The following ALK variants were observed in gnomAD, a reference collection of about 807,000 sequenced individuals.
ALK encodes the protein ALK receptor tyrosine kinase.
ALK carries 74 observed loss-of-function variants against 163.1 expected under a neutral mutation model. The ratio of observed to expected loss-of-function variants is 0.45; its 90% CI spans 0.38 to 0.55. The LOEUF is 0.55. Among genes scored for constraint, ALK ranks in the 20% least tolerant of loss-of-function variants. The pLI is 0.00. For missense variants in ALK, 2,063 were observed against 2,105.3 expected (o/e 0.98, Z 0.39); for synonymous variants, 960 against 843.2 (o/e 1.14, Z -2.40).
chr2:29,324,828 G>T (rs1667201893), intron 6 of ALK, among the ~76,000 whole-genome samples: 1 of 152,196 alleles, frequency 6.6e-6, no homozygotes, highest in Non-Finnish European at 1.5e-5. Flanking sequence ...TTGGAGAGGG[G>T]ACCGAGAGTA....
chr2:29,529,796 C>T (rs1395850173), intron 4 of ALK, among the ~76,000 whole-genome samples: 5 of 152,202 alleles, frequency 3.3e-5, no homozygotes, highest in East Asian at 1.9e-4. Context: ...CTAAACTCTG[C>T]CCCAGACAAA....
At chr2:29,447,464 A>G (rs1017670618) in intron 4 of ALK, among the ~76,000 whole-genome samples, 2 of 145,142 alleles carry the variant, frequency 1.4e-5, no homozygotes, top group African/African-American at 2.8e-5. Context: ...TTTAGGAGGG[A>G]AAAAAAAAAT....
At chr2:29,346,587 C>T (rs572311507) in intron 5 of ALK, among the ~76,000 whole-genome samples, 5 of 152,364 alleles carry the variant, frequency 3.3e-5, no homozygotes, top group Non-Finnish European at 5.9e-5. Context: ...ATTGCTACTT[C>T]GTTTCACAGT....
intron 3 of ALK, among the ~76,000 whole-genome samples, chr2:29,562,637 A>G (rs1486627810): frequency 1.3e-5 from 2 of 152,124 alleles, no homozygotes; most frequent in African/African-American, 4.8e-5. Flanking sequence ...AGAAGGGGGA[A>G]AAAAAATCTG....
intron 13 of ALK, among the ~76,000 whole-genome samples, chr2:29,237,514 G>A (rs112486962): frequency 3.9e-5 from 6 of 152,238 alleles, no homozygotes; most frequent in Non-Finnish European, 7.4e-5. Flanking sequence ...GGCCTTTGCT[G>A]GGGTCACTGT....
chr2:29,757,764 A>G (rs1049944063), intron 1 of ALK, among the ~76,000 whole-genome samples: 1 of 152,156 alleles, frequency 6.6e-6, no homozygotes, highest in Non-Finnish European at 1.5e-5. Flanking sequence ...AATATGGCAC[A>G]TGCAGCCTCT....
intron 5 of ALK, among the ~76,000 whole-genome samples, chr2:29,343,041 C>G (rs1041260682): frequency 6.6e-6 from 1 of 150,954 alleles, no homozygotes; most frequent in African/African-American, 2.4e-5. Context: ...TGCCACCATG[C>G]CCAGCTAATT....
intron 3 of ALK, among the ~76,000 whole-genome samples, chr2:29,604,863 C>G (rs1573493161): frequency 6.6e-6 from 1 of 152,298 alleles, no homozygotes; most frequent in South Asian, 2.1e-4. Context: ...CAAACCAGAG[C>G]TATACAAAGG....
chr2:29,765,553 C>A (rs1024944093), intron 1 of ALK, among the ~76,000 whole-genome samples: 1 of 152,112 alleles, frequency 6.6e-6, no homozygotes, highest in Non-Finnish European at 1.5e-5. Context: ...CTCAAGTGAT[C>A]CTTTGGTCTC....
At chr2:29,320,715 A>T in intron 7 of ALK, 36 bp downstream of exon 7, 1 of 1,612,364 alleles carries the variant, frequency 6.2e-7, no homozygotes, top group Non-Finnish European at 8.5e-7. Flanking sequence ...GGGCATGAAG[A>T]TGGGCACCAG....
At chr2:29,631,408 G>A (rs1025361551) in intron 3 of ALK, among the ~76,000 whole-genome samples, 1 of 152,154 alleles carries the variant, frequency 6.6e-6, no homozygotes. Context: ...TCTGCTTCTG[G>A]CTCTACTAAT....
At chr2:29,761,204 C>T (rs536515964) in intron 1 of ALK, among the ~76,000 whole-genome samples, 1 of 152,262 alleles carries the variant, frequency 6.6e-6, no homozygotes, top group South Asian at 2.1e-4. Flanking sequence ...GCATTAGAAC[C>T]AAGCAGCCCT....
At chr2:29,483,050 C>T (rs1295103978) in intron 4 of ALK, among the ~76,000 whole-genome samples, 4 of 152,114 alleles carry the variant, frequency 2.6e-5, no homozygotes, top group African/African-American at 9.7e-5. Context: ...ATAGGAAACC[C>T]AAAGGGCAGG....
chr2:29,449,878 A>G (rs1670778822), intron 4 of ALK, among the ~76,000 whole-genome samples: 1 of 152,226 alleles, frequency 6.6e-6, no homozygotes. Flanking sequence ...AAGGTCTGCA[A>G]TTATCACTGT....
intron 5 of ALK, among the ~76,000 whole-genome samples, chr2:29,339,663 C>T (rs534437975): frequency 5.9e-5 from 9 of 152,222 alleles, no homozygotes; most frequent in East Asian, 1.9e-4. Context: ...AAGCAAGTCA[C>T]GGAGGCAGCT....
At chr2:29,402,840 G>A (rs1340736703) in intron 4 of ALK, among the ~76,000 whole-genome samples, 1 of 152,092 alleles carries the variant, frequency 6.6e-6, no homozygotes, top group Non-Finnish European at 1.5e-5. Context: ...GCACACCATC[G>A]CTTTCTGTTC....
At chr2:29,781,542 A>G (rs1172686888) in intron 1 of ALK, among the ~76,000 whole-genome samples, 1 of 152,244 alleles carries the variant, frequency 6.6e-6, no homozygotes, top group Non-Finnish European at 1.5e-5. Flanking sequence ...CTGCAAAGTG[A>G]CATCAAATCA....
chr2:29,335,189 A>G (rs906141924), intron 5 of ALK, among the ~76,000 whole-genome samples: 28 of 152,176 alleles, frequency 1.8e-4, no homozygotes, highest in African/African-American at 4.6e-4. Flanking sequence ...AGGCAAAAGT[A>G]AGGGAGATCT....
At chr2:29,800,945 T>C (rs1485128652) in intron 1 of ALK, among the ~76,000 whole-genome samples, 1 of 152,182 alleles carries the variant, frequency 6.6e-6, no homozygotes, top group Non-Finnish European at 1.5e-5. Context: ...TCCTGTGGGC[T>C]CCCGTGGGCG....
Sources: gnomAD v4.1 joint callset for allele counts (sites outside exome capture counted in the v4.1 genomes callset) on GRCh38, gnomAD v4.1.1 for gene constraint, MANE v1.5 for transcripts, NCBI Gene and HGNC (gene_info 2026-07-23, HGNC 2026-07-21) for gene names.